The following ALCAM variants were observed in gnomAD, a reference collection of about 807,000 sequenced individuals.
ALCAM encodes CD166 antigen.
ALCAM carries 30 observed loss-of-function variants against 70.9 expected under a neutral mutation model. The ratio of observed to expected loss-of-function variants is 0.42; its 90% CI spans 0.32 to 0.57. ALCAM has a LOEUF of 0.57. Ranked by LOEUF, ALCAM falls within the 20% of genes least tolerant of loss-of-function variation. The probability of loss-of-function intolerance (pLI) is 0.11; values close to 1 mark genes in which losing one functional copy is unlikely to be tolerated. For missense variants in ALCAM, 591 were observed against 695.1 expected (o/e 0.85, Z 1.68); for synonymous variants, 249 against 242.5 (o/e 1.03, Z -0.25).
At chr3:105,562,776 A>T (rs182618135) in intron 14 of ALCAM, among the ~76,000 whole-genome samples, 1 of 152,312 alleles carries the variant, frequency 6.6e-6, no homozygotes, top group African/African-American at 2.4e-5. Context: ...CTTGCTTCAA[A>T]ACAAAATGTA....
At position 105,571,702 on chromosome 3, in the gene ALCAM, G is replaced by A; in HGVS notation, c.1665-150G>A. 1.2e-5 allele frequency: 7 copies of A among 575,986 alleles called. No homozygotes were observed. The South Asian group carries it at 1.8e-4, about 15-fold the overall frequency. 35.7% of individuals were successfully genotyped at this position (575,986 alleles called of 1,614,324 possible). ...TTCAGTACAATGTGCTCCATTATCAGTCAAGGCTCACAGATATGGAAATTT... is the reference window on the plus strand; with the variant it reads ...TTCAGTACAATGTGCTCCATTATCAATCAAGGCTCACAGATATGGAAATTT... On this transcript the variant is annotated intron_variant, in intron 14 of 15. Coordinates refer to ENST00000306107, the MANE Select transcript of ALCAM (RefSeq NM_001627.4).
At chr3:105,500,637 G>C (rs1938894419) in intron 1 of ALCAM, among the ~76,000 whole-genome samples, 1 of 152,116 alleles carries the variant, frequency 6.6e-6, no homozygotes, top group East Asian at 1.9e-4. Flanking sequence ...ACAAATACAT[G>C]ATGTGGTGTT....
chr3:105,486,442 T>G lies in ALCAM; in HGVS notation c.74-33625T>G, dbSNP rs529620423. 7.2e-5 allele frequency among the ~76,000 whole-genome samples: 11 copies of G among 152,278 alleles called. No individual in the cohort carries two copies. The South Asian group carries it at 8.3e-4, about 11-fold the overall frequency. On this transcript the variant is annotated intron_variant, in intron 1 of 15. Coordinates refer to ENST00000306107, the MANE Select transcript of ALCAM (RefSeq NM_001627.4). ...ATATTTTCTACCTTCCAAATGGGCA[T>G]TCAACGAACTTAAATTTTATCTTTA...
chr3:105,416,123 T>C (rs778650777), intron 1 of ALCAM, among the ~76,000 whole-genome samples: 1 of 152,088 alleles, frequency 6.6e-6, no homozygotes, highest in African/African-American at 2.4e-5. Context: ...TCTGTCATTC[T>C]CAACTTGACT....
At position 105,540,022 on chromosome 3, in the gene ALCAM, A is replaced by G. The variant is rs765730707; in HGVS notation, c.778A>G (p.Ile260Val). Residue 260 changes from isoleucine to valine, a missense_variant, in exon 7 of 16, where the codon ATC (isoleucine) becomes GTC (valine). Physicochemically the swap from Ile to Val is conservative, Grantham distance 29. Transcript: ENST00000306107. ...TIQVLPPKNA[I>V]KEGDNITLKC... ...ACAAGTGCTGCCACCAAAAAATGCC[A>G]TCAAAGAAGGGGATAACATCACTCT... 6.8e-6 allele frequency: 11 copies of G among 1,612,680 alleles called. No individual in the cohort carries two copies. The highest frequency in any genetic ancestry group is 1.3e-5 in the African/African-American group (1 of 74,938).
chr3:105,441,330 A>G (rs1301709482), intron 1 of ALCAM, among the ~76,000 whole-genome samples: 2 of 152,020 alleles, frequency 1.3e-5, no homozygotes, highest in South Asian at 2.1e-4. Context: ...AGTTGCTACC[A>G]TGGCTTAAGT....
chr3:105,486,956 A>ATATTTATTTATTTATT (rs1559807814), intron 1 of ALCAM, among the ~76,000 whole-genome samples: 8 of 62,500 alleles, frequency 1.3e-4, no homozygotes, highest in African/African-American at 5.3e-4. Context: ...AGAGCATAAG[A>ATATTTATTTATTTATT]CATTTATTTA....
intron 1 of ALCAM, among the ~76,000 whole-genome samples, chr3:105,493,232 G>A (rs1202687122): frequency 5.3e-5 from 8 of 151,920 alleles, no homozygotes; most frequent in Non-Finnish European, 7.4e-5. Context: ...TCAGAGGCTC[G>A]GTCCCTAAAT....
Position 105,540,069 on chromosome 3 carries a change from C to A in ALCAM, c.825C>A (p.Asn275Lys). 6.2e-7 allele frequency: 1 copy of A among 1,612,118 alleles called. No individual in the cohort carries two copies. Among genetic ancestry groups the A allele is most frequent in the Non-Finnish European group, 8.5e-7 (1 of 1,178,686 alleles). Residue 275 changes from asparagine (N) to lysine (K), a missense_variant, in exon 7 of 16, where the codon AAC becomes AAA. Around this residue, in one of 2 missense-constraint regions of ALCAM, gnomAD observed 427 missense variants for 450.4 expected, o/e 0.95. Coordinates refer to ENST00000306107, the MANE Select transcript of ALCAM (RefSeq NM_001627.4). ...NITLKCLGNG[N>K]PPPEEFLFYL... is the part of the protein sequence containing the mutation. ...CTCTTAAATGCTTAGGGAATGGCAA[C>A]CCTCCCCCAGAGGAATTTTTGTTTT...
chr3:105,431,253 G>T (rs968558174), intron 1 of ALCAM, among the ~76,000 whole-genome samples: 16 of 152,174 alleles, frequency 1.1e-4, no homozygotes, highest in Non-Finnish European at 2.9e-5. Context: ...AATGTATTTA[G>T]CTCATGAATC....
At chr3:105,535,002 G>T (rs1317079471) in intron 6 of ALCAM, among the ~76,000 whole-genome samples, 157 bp downstream of exon 6, 1 of 152,034 alleles carries the variant, frequency 6.6e-6, no homozygotes, top group African/African-American at 2.4e-5. Flanking sequence ...CTCTTTAGGA[G>T]ACCATAGCAT....
At chr3:105,475,084 A>C (rs1938065322) in intron 1 of ALCAM, among the ~76,000 whole-genome samples, 1 of 151,862 alleles carries the variant, frequency 6.6e-6, no homozygotes, top group African/African-American at 2.4e-5. Flanking sequence ...TCACCCATTT[A>C]GTCCCTGCAG....
chr3:105,456,416 A>G (rs1576175270), intron 1 of ALCAM, among the ~76,000 whole-genome samples: 1 of 152,202 alleles, frequency 6.6e-6, no homozygotes, highest in South Asian at 2.1e-4. Context: ...TTAATCACAA[A>G]ATTGAGCCCT....
chr3:105,419,208 C>T (rs1320466626), intron 1 of ALCAM, among the ~76,000 whole-genome samples: 1 of 151,646 alleles, frequency 6.6e-6, no homozygotes, highest in Admixed American at 6.6e-5. Flanking sequence ...TCATCTACTT[C>T]CTGAAACTCT....
intron 3 of ALCAM, chr3:105,524,787 C>A: frequency 8.7e-7 from 1 of 1,154,320 alleles, no homozygotes; most frequent in Non-Finnish European, 1.1e-6. Context: ...CTACTGATAA[C>A]TAGCAGGTGA....
intron 14 of ALCAM, among the ~76,000 whole-genome samples, chr3:105,563,663 A>ATTTC (rs1576244069): frequency 4.1e-5 from 3 of 72,548 alleles, no homozygotes; most frequent in African/African-American, 2.0e-4. Flanking sequence ...AATTCCAAGC[A>ATTTC]TTTCTTTTTT....
chr3:105,523,534 T>C (rs1559820891), intron 2 of ALCAM, among the ~76,000 whole-genome samples: 1 of 152,198 alleles, frequency 6.6e-6, no homozygotes, highest in Non-Finnish European at 1.5e-5. Context: ...TGCCCCTGAT[T>C]TTACATTAAA....
intron 1 of ALCAM, among the ~76,000 whole-genome samples, chr3:105,411,747 C>T (rs1330958412): frequency 2.6e-5 from 4 of 151,930 alleles, no homozygotes; most frequent in African/African-American, 7.2e-5. Flanking sequence ...TTCTTCCAGC[C>T]TAAAAGACAA....
chr3:105,448,083 G>A (rs1484684446), intron 1 of ALCAM, among the ~76,000 whole-genome samples: 1 of 152,034 alleles, frequency 6.6e-6, no homozygotes, highest in African/African-American at 2.4e-5. Flanking sequence ...ATTTCTAATG[G>A]TGTGGAAACC....
Sources: gnomAD v4.1 joint callset for allele counts (sites outside exome capture counted in the v4.1 genomes callset) on GRCh38, gnomAD v4.1.1 for gene constraint, gnomAD v4.1.1 regional missense constraint, MANE v1.5 for transcripts, NCBI Gene and HGNC (gene_info 2026-07-23, HGNC 2026-07-21) for gene names.